SHC3: variants seen among roughly 807,000 people sequenced by gnomAD.
The protein encoded by SHC3 is SHC-transforming protein 3.
In SHC3, 15 loss-of-function variants were observed where a neutral mutation model predicts 60.4. That is an observed-to-expected ratio of 0.25 (90% CI 0.17 to 0.38). SHC3 has a LOEUF of 0.38. Among genes scored for constraint, SHC3 ranks in the 10% least tolerant of loss-of-function variants. The pLI is 1.00. For missense variants in SHC3, 677 were observed against 786.1 expected (o/e 0.86, Z 1.66); for synonymous variants, 294 against 325.9 (o/e 0.90, Z 1.05).
At chr9:89,138,083 C>T (rs111629901) in intron 1 of SHC3, among the ~76,000 whole-genome samples, 2,119 of 152,254 alleles carry the variant, frequency 0.014, 48 homozygotes, top group African/African-American at 0.046. Context: ...CCTGGGAAGC[C>T]GTGAGCTGCC....
intron 1 of SHC3, among the ~76,000 whole-genome samples, chr9:89,142,900 C>T (rs371428683): frequency 5.0e-4 from 76 of 152,078 alleles, no homozygotes; most frequent in African/African-American, 1.8e-3. Flanking sequence ...GTTACCGGAC[C>T]CCACCACTTA....
At chr9:89,080,792 A>T (rs1168305311) in intron 2 of SHC3, among the ~76,000 whole-genome samples, 9 of 121,362 alleles carry the variant, frequency 7.4e-5, no homozygotes, top group Non-Finnish European at 8.5e-5. Context: ...TTTGAGACTT[A>T]GTCTTGCTCT....
chr9:89,073,875 C>G lies in SHC3; in HGVS notation c.729+1234G>C, dbSNP rs139257460. 3.5e-3 allele frequency among the ~76,000 whole-genome samples: 526 copies of G among 152,340 alleles called. 4 individuals are homozygous for G. The highest frequency in any genetic ancestry group is 5.5e-3 in the Non-Finnish European group (377 of 68,034). On this transcript the variant is annotated intron_variant, in intron 4 of 11. Transcript: ENST00000375835. The stretch of plus-strand genomic sequence containing the variant: ...AGAGTGCAGAGGTGAGCCCAGCCAA[C>G]AAGCCTTCATGAACAGCGCAGTCTT...
chr9:89,132,237 C>G (rs1244667835), intron 1 of SHC3, among the ~76,000 whole-genome samples: 2 of 152,146 alleles, frequency 1.3e-5, no homozygotes, highest in East Asian at 1.9e-4. Context: ...GAACTACAAA[C>G]CACTGCTCAT....
rs548527540 is a variant in SHC3 at position 89,096,961 on chromosome 9, C to T, written c.545+15595G>A. 2.6e-5 allele frequency among the ~76,000 whole-genome samples: 4 copies of T among 152,272 alleles called. No homozygotes were observed. The South Asian group carries it at 8.3e-4, about 32-fold the overall frequency. ...TGATGGGAGGTAGGGACTCAATCCA[C>T]GCAGGTGTTCAACTGCTTGGACCAG... On this transcript the variant is annotated intron_variant, in intron 2 of 11. Transcript: ENST00000375835.
intron 1 of SHC3, among the ~76,000 whole-genome samples, chr9:89,167,204 G>A (rs912650562): frequency 1.3e-5 from 2 of 152,086 alleles, no homozygotes; most frequent in East Asian, 1.9e-4. Context: ...TGTTATTTGT[G>A]AGTCTTATTT....
At chr9:89,129,719 T>C (rs1347632755) in intron 1 of SHC3, among the ~76,000 whole-genome samples, 2 of 152,132 alleles carry the variant, frequency 1.3e-5, no homozygotes, top group African/African-American at 4.8e-5. Flanking sequence ...AGAGACTTTG[T>C]CACCACCAGG....
At chr9:89,064,767 T>A (rs576422250) in intron 6 of SHC3, among the ~76,000 whole-genome samples, 1 of 152,112 alleles carries the variant, frequency 6.6e-6, no homozygotes, top group African/African-American at 2.4e-5. Flanking sequence ...AATATTAGGA[T>A]CTCATTTGTA....
At chr9:89,135,420 G>T (rs922981724) in intron 1 of SHC3, among the ~76,000 whole-genome samples, 4 of 152,012 alleles carry the variant, frequency 2.6e-5, no homozygotes, top group Non-Finnish European at 5.9e-5. Flanking sequence ...TTAAAAAAAA[G>T]TCTTATCTAA....
rs1337680075 is a variant in SHC3 at position 89,011,611 on chromosome 9, G to C, written c.*1836C>G. The C allele has an allele frequency of 1.3e-5, 2 of 152,258 alleles. No homozygotes were observed. Among genetic ancestry groups the C allele is most frequent in the Non-Finnish European group, 2.9e-5 (2 of 68,070 alleles). 9.4% of individuals were successfully genotyped at this position (152,258 alleles called of 1,614,324 possible). On this transcript the variant is annotated 3_prime_UTR_variant, in exon 12 of 12. Transcript: ENST00000375835. ...CTTGGGGCAGGAGCCTGATGCAGCT[G>C]CTGCCAGCAACCCCGTGGAGCCGTC... is the stretch of plus-strand genomic sequence containing the variant.
At chr9:89,021,152 T>C (rs1344728252) in intron 11 of SHC3, among the ~76,000 whole-genome samples, 1 of 152,216 alleles carries the variant, frequency 6.6e-6, no homozygotes, top group African/African-American at 2.4e-5. Flanking sequence ...TCCAACTGTA[T>C]GGAAAGTACA....
At chr9:89,097,604 T>C (rs557504046) in intron 2 of SHC3, among the ~76,000 whole-genome samples, 1 of 152,334 alleles carries the variant, frequency 6.6e-6, no homozygotes, top group South Asian at 2.1e-4. Flanking sequence ...GCTTGCTTCA[T>C]TTTTAGTCAT....
At chr9:89,173,400 T>C (rs1326170274) in intron 1 of SHC3, among the ~76,000 whole-genome samples, 4 of 152,250 alleles carry the variant, frequency 2.6e-5, no homozygotes, top group Non-Finnish European at 5.9e-5. Flanking sequence ...ATAGTAATCA[T>C]ATATTCCTCA....
At chr9:89,148,502 C>A (rs1221648848) in intron 1 of SHC3, among the ~76,000 whole-genome samples, 1 of 152,150 alleles carries the variant, frequency 6.6e-6, no homozygotes, top group Non-Finnish European at 1.5e-5. Context: ...CTCAGTTTAC[C>A]TGGGTACCCA....
intron 4 of SHC3, among the ~76,000 whole-genome samples, chr9:89,074,379 C>G (rs1040947945): frequency 3.3e-5 from 5 of 152,164 alleles, no homozygotes; most frequent in Admixed American, 1.3e-4. Flanking sequence ...CTGGATACTG[C>G]TCAAGCATTT....
At chr9:89,145,965 CA>C (rs1826462332) in intron 1 of SHC3, among the ~76,000 whole-genome samples, 1 of 152,114 alleles carries the variant, frequency 6.6e-6, no homozygotes, top group Non-Finnish European at 1.5e-5. Context: ...AACTTCTCAT[CA>C]GCAACTTTAA....
chr9:89,096,593 T>C (rs1394566902), intron 2 of SHC3, among the ~76,000 whole-genome samples: 1 of 152,266 alleles, frequency 6.6e-6, no homozygotes, highest in Admixed American at 6.5e-5. Flanking sequence ...CCTCTTTTTG[T>C]ACATTTCTTT....
At chr9:89,041,561 G>A (rs1326945155) in intron 10 of SHC3, among the ~76,000 whole-genome samples, 1 of 152,198 alleles carries the variant, frequency 6.6e-6, no homozygotes, top group East Asian at 1.9e-4. Context: ...AGAGGAGAAA[G>A]AGAGAGAAAA....
intron 11 of SHC3, among the ~76,000 whole-genome samples, chr9:89,014,907 C>T (rs1284040339): frequency 6.6e-6 from 1 of 152,088 alleles, no homozygotes; most frequent in Non-Finnish European, 1.5e-5. Flanking sequence ...CAATTAGCAC[C>T]TGAAGGAACA....
Sources: allele counts gnomAD v4.1 joint callset (sites outside exome capture counted in the v4.1 genomes callset), GRCh38; gene constraint gnomAD v4.1.1; transcripts MANE v1.5; gene names NCBI Gene and HGNC (gene_info 2026-07-23, HGNC 2026-07-21).